The following UGGT1 variants were observed in gnomAD, a reference collection of about 807,000 sequenced individuals.
UGGT1 encodes UDP-glucose glycoprotein glucosyltransferase 1.
Under a neutral mutation model 203.9 loss-of-function variants are expected in UGGT1, and 107 were observed. That is an observed-to-expected ratio of 0.52 (90% CI 0.45 to 0.62). The LOEUF (loss-of-function observed/expected upper bound fraction) is 0.62. Ranked by LOEUF, UGGT1 falls within the 20% of genes least tolerant of loss-of-function variation. UGGT1 has a pLI of 0.00. For missense variants in UGGT1, 1,673 were observed against 1,867.2 expected (o/e 0.90, Z 1.92); for synonymous variants, 628 against 653.5 (o/e 0.96, Z 0.59).
In UGGT1 at chr2:128,191,436, G is replaced by A. The variant is rs1353505415; in HGVS notation, c.*1694G>A. 1 of 152,192 alleles carries A rather than the reference G, an allele frequency of 6.6e-6. No homozygotes were observed. Among genetic ancestry groups the A allele is most frequent in the East Asian group, 1.9e-4 (1 of 5,190 alleles). 9.4% of individuals were successfully genotyped at this position (152,192 alleles called of 1,614,324 possible). A position where few individuals can be genotyped will look rare whatever the true frequency, so the allele number is the denominator to read the frequency against. ...AAAACAAAAAATTAAGAAGAGGAAAGCTCAAAAGAGGATAAGAGACTGAAA... is the reference window on the plus strand; with the variant it reads ...AAAACAAAAAATTAAGAAGAGGAAAACTCAAAAGAGGATAAGAGACTGAAA... On this transcript the variant is annotated 3_prime_UTR_variant, in exon 41 of 41. Transcript: ENST00000259253.
intron 19 of UGGT1, among the ~76,000 whole-genome samples, chr2:128,154,141 T>C (rs1307607805): frequency 6.6e-6 from 1 of 151,994 alleles, no homozygotes; most frequent in Non-Finnish European, 1.5e-5. Flanking sequence ...AGGCTTATAT[T>C]TGAGAAAGAA....
At chr2:128,178,366 C>T in intron 33 of UGGT1, 102 bp from the exon 34 acceptor site, 1 of 1,010,066 alleles carries the variant, frequency 9.9e-7, no homozygotes, top group African/African-American at 1.6e-5. Flanking sequence ...AGCTCACCCG[C>T]TAGGGAAGGA....
chr2:128,097,755 A>G (rs1008157663), intron 2 of UGGT1, among the ~76,000 whole-genome samples, 191 bp downstream of exon 2: 1 of 152,260 alleles, frequency 6.6e-6, no homozygotes, highest in East Asian at 1.9e-4. Context: ...GACAAGGGCT[A>G]TGTGGGTTTA....
intron 8 of UGGT1, among the ~76,000 whole-genome samples, 190 bp downstream of exon 8, chr2:128,116,533 C>CT (rs34963700): frequency 2.0e-4 from 30 of 148,800 alleles, no homozygotes; most frequent in Admixed American, 3.4e-4. Context: ...TCACATTATT[C>CT]TTTTTTTTTT....
chr2:128,124,454 G>A (rs4233587), intron 11 of UGGT1, among the ~76,000 whole-genome samples: 137,093 of 152,178 alleles, frequency 0.9, 62,525 homozygotes, highest in Non-Finnish European at 0.98. Flanking sequence ...TCATAATTAT[G>A]TGTGTTTTTA....
intron 17 of UGGT1, 145 bp downstream of exon 17, chr2:128,143,370 TCA>T: frequency 4.1e-6 from 4 of 981,280 alleles, no homozygotes; most frequent in Non-Finnish European, 5.6e-6. Context: ...AGATCACTTT[TCA>T]GTGTTTGAAA....
In UGGT1 at chr2:128,182,266, T is replaced by C; in HGVS notation, c.4220T>C (p.Leu1407Ser). The change falls in exon 37 of 41, where the codon TTA (leucine) becomes TCA (serine). Residue 1407 changes from leucine (L) to serine (S), a missense_variant. Leu to Ser is a moderately radical substitution (Grantham distance 145). Coordinates refer to ENST00000259253, the MANE Select transcript of UGGT1 (RefSeq NM_020120.4). ...AAGTCAGGGTACTGGGCCAGTCATT[T>C]AGCCGGGCGAAAGTATCATATCAGG... is the stretch of plus-strand genomic sequence containing the variant. ...FWKSGYWASH[L>S]AGRKYHISAL... The C allele has an allele frequency of 1.2e-6, 2 of 1,613,668 alleles. No homozygotes were observed. Among genetic ancestry groups the C allele is most frequent in the Non-Finnish European group, 1.7e-6 (2 of 1,179,816 alleles).
intron 12 of UGGT1, 93 bp downstream of exon 12, chr2:128,127,545 G>T: frequency 1.0e-6 from 1 of 975,474 alleles, no homozygotes; most frequent in Non-Finnish European, 1.6e-6. Context: ...GATATGGCAT[G>T]ATGCAAAGTC....
At chr2:128,099,931 C>G (rs1306310466) in intron 2 of UGGT1, among the ~76,000 whole-genome samples, 1 of 151,338 alleles carries the variant, frequency 6.6e-6, no homozygotes, top group Non-Finnish European at 1.5e-5. Context: ...CTGAGCTGGA[C>G]TCTAAAAACT....
chr2:128,149,973 T>G (rs1689871987), intron 18 of UGGT1, among the ~76,000 whole-genome samples: 1 of 152,070 alleles, frequency 6.6e-6, no homozygotes. Flanking sequence ...AAAAAATATA[T>G]AAGTAAAATA....
intron 2 of UGGT1, among the ~76,000 whole-genome samples, chr2:128,101,562 G>T (rs2105342259): frequency 6.6e-6 from 1 of 152,276 alleles, no homozygotes; most frequent in East Asian, 1.9e-4. Flanking sequence ...GCTAAATTTT[G>T]TAATGACCCA....
At chr2:128,138,907 TAAC>T (rs761680117) in intron 16 of UGGT1, 55 bp downstream of exon 16, 39 of 1,604,722 alleles carry the variant, frequency 2.4e-5, no homozygotes, top group Non-Finnish European at 3.3e-5. Flanking sequence ...TTACTCTTAA[TAAC>T]AATGTGTGGT....
At chr2:128,153,393 GT>G (rs1385351049) in intron 19 of UGGT1, among the ~76,000 whole-genome samples, 4 of 151,704 alleles carry the variant, frequency 2.6e-5, no homozygotes, top group Non-Finnish European at 5.9e-5. Context: ...CAATTCAATG[GT>G]TTTTTTAATG....
At chr2:128,098,156 C>T (rs1343627174) in intron 2 of UGGT1, among the ~76,000 whole-genome samples, 1 of 152,110 alleles carries the variant, frequency 6.6e-6, no homozygotes. Flanking sequence ...AGCCACTGTG[C>T]CTGGCCAGTT....
intron 18 of UGGT1, among the ~76,000 whole-genome samples, chr2:128,152,575 C>T (rs1429831195): frequency 1.3e-5 from 2 of 152,158 alleles, no homozygotes; most frequent in Non-Finnish European, 2.9e-5. Flanking sequence ...ATCTGCCTCA[C>T]GTTGTTGATA....
At chr2:128,185,726 T>G (rs1691943493) in intron 38 of UGGT1, among the ~76,000 whole-genome samples, 1 of 152,164 alleles carries the variant, frequency 6.6e-6, no homozygotes. Context: ...TCTACCCACT[T>G]CAGCAGCTAT....
Position 128,107,920 on chromosome 2 carries a change from A to AT in UGGT1, c.278-18_278-17insT, listed in dbSNP as rs1390822014. On this transcript the variant is annotated splice_polypyrimidine_tract_variant and intron_variant, in intron 3 of 40. Transcript: ENST00000259253. ...CTAGTCATACGCAATTACTTTGGTT[A>AT]ATGTTCTTCCTTGACAGGTACCGAT... The AT allele has an allele frequency of 1.2e-6, 2 of 1,613,830 alleles. No homozygotes were observed. The highest frequency in any genetic ancestry group is 1.7e-6 in the Non-Finnish European group (2 of 1,179,930).
At chr2:128,109,558 C>G (rs1687757493) in intron 4 of UGGT1, 76 bp from the exon 5 acceptor site, 6 of 1,165,620 alleles carry the variant, frequency 5.1e-6, no homozygotes, top group Non-Finnish European at 6.4e-6. Context: ...ATTTAATCAC[C>G]TATTTTGATT....
chr2:128,105,174 C>T (rs1046155674), intron 3 of UGGT1, among the ~76,000 whole-genome samples: 9 of 151,446 alleles, frequency 5.9e-5, no homozygotes, highest in African/African-American at 2.2e-4. Flanking sequence ...TGAACCACTG[C>T]ACCTGGCCTG....
Sources: allele counts gnomAD v4.1 joint callset (sites outside exome capture counted in the v4.1 genomes callset), GRCh38; gene constraint gnomAD v4.1.1; transcripts MANE v1.5; gene names NCBI Gene and HGNC (gene_info 2026-07-23, HGNC 2026-07-21).